The following NCOA7 variants were observed in gnomAD, a reference collection of about 807,000 sequenced individuals.
NCOA7 encodes the protein nuclear receptor coactivator 7, also known as 140 kDa estrogen receptor-associated protein.
NCOA7 carries 45 observed loss-of-function variants against 104.3 expected under a neutral mutation model. The observed-to-expected ratio is 0.43, with a 90% CI of 0.34 to 0.55. NCOA7 has a LOEUF of 0.55. Ranked by LOEUF, NCOA7 falls within the 20% of genes least tolerant of loss-of-function variation. The pLI is 0.02. For synonymous variants in NCOA7, 398 were observed against 402.3 expected, an observed-to-expected ratio of 0.99 and a Z score of 0.13; for missense variants, 1,041 against 1,119.7, an observed-to-expected ratio of 0.93 and a Z score of 1.00.
chr6:125,904,318 A>G (rs1010943799), intron 10 of NCOA7, among the ~76,000 whole-genome samples: 2 of 152,120 alleles, frequency 1.3e-5, no homozygotes, highest in Non-Finnish European at 2.9e-5. Context: ...GCACTGTGCT[A>G]ACATTTTTTT....
intron 2 of NCOA7, among the ~76,000 whole-genome samples, chr6:125,837,669 C>A (rs140857244): frequency 2.7e-4 from 41 of 152,260 alleles, no homozygotes; most frequent in African/African-American, 9.9e-4. Context: ...CCCCCTAATT[C>A]ATTTCCCACA....
intron 11 of NCOA7, among the ~76,000 whole-genome samples, chr6:125,920,605 C>G (rs772005258): frequency 2.2e-4 from 34 of 152,318 alleles, no homozygotes; most frequent in Non-Finnish European, 4.0e-4. Context: ...GGGGTCCCAT[C>G]ATGTTGCTCA....
At chr6:125,852,333 C>T (rs1374087749) in intron 2 of NCOA7, among the ~76,000 whole-genome samples, 2 of 152,112 alleles carry the variant, frequency 1.3e-5, no homozygotes, top group Admixed American at 6.6e-5. Context: ...GTAGCTGGGA[C>T]TACAGGCACG....
chr6:125,811,913 C>T (rs1777047030), intron 1 of NCOA7, among the ~76,000 whole-genome samples: 1 of 152,176 alleles, frequency 6.6e-6, no homozygotes, highest in Admixed American at 6.5e-5. Context: ...TTTTCTAGCT[C>T]ATCTCCAAAT....
chr6:125,842,066 G>A, intron 2 of NCOA7, among the ~76,000 whole-genome samples: 1 of 152,168 alleles, frequency 6.6e-6, no homozygotes, highest in Non-Finnish European at 1.5e-5. Context: ...GGAGAGAGAA[G>A]TTAAGCTAGA....
At chr6:125,869,442 C>G (rs28622002) in intron 3 of NCOA7, among the ~76,000 whole-genome samples, 54,549 of 152,004 alleles carry the variant, frequency 0.36, 11,408 homozygotes, top group African/African-American at 0.59. Context: ...TTCTCCAATT[C>G]TGACAGGCAG....
chr6:125,785,292 G>A (rs1222808629), intron 1 of NCOA7, among the ~76,000 whole-genome samples: 1 of 152,094 alleles, frequency 6.6e-6, no homozygotes, highest in Non-Finnish European at 1.5e-5. Flanking sequence ...GAGCTAACAC[G>A]GTGCCACTGC....
intron 10 of NCOA7, among the ~76,000 whole-genome samples, chr6:125,914,320 A>G (rs889911024): frequency 6.6e-6 from 1 of 152,236 alleles, no homozygotes; most frequent in Non-Finnish European, 1.5e-5. Flanking sequence ...AATGTTAAAT[A>G]CAACAGTTAT....
rs751285705 is a variant in NCOA7 at position 125,889,893 on chromosome 6, T to C, written c.1839T>C (p.Thr613=). 1 of 1,609,098 alleles carries C rather than the reference T, an allele frequency of 6.2e-7. No individual in the cohort carries two copies. Among genetic ancestry groups the C allele is most frequent in the Non-Finnish European group, 8.5e-7 (1 of 1,178,684 alleles). The change falls in exon 9 of 16, where the codon ACT becomes ACC. Residue 613 remains threonine, a synonymous_variant. Transcript: ENST00000392477. ...KEALDSSLES[T]LDNSCQGAQM... ...CTCTAGACTCCTCTTTGGAATCTAC[T>C]CTGGACAACAGCTGTCAAGGTGCAC...
chr6:125,864,996 A>C (rs1194606682), intron 3 of NCOA7, among the ~76,000 whole-genome samples: 1 of 138,342 alleles, frequency 7.2e-6, no homozygotes, highest in Non-Finnish European at 1.5e-5. Context: ...GAGGAGGAGA[A>C]GCAACATCAG....
At chr6:125,825,174 C>CAAAAA (rs60707053) in intron 2 of NCOA7, among the ~76,000 whole-genome samples, 2 of 54,082 alleles carry the variant, frequency 3.7e-5, no homozygotes, top group African/African-American at 6.2e-5. Flanking sequence ...CCTGTCTCTA[C>CAAAAA]AAAAAAAAAA....
At chr6:125,915,302 T>G (rs535950244) in intron 10 of NCOA7, 31 bp from the exon 11 acceptor site, 1 of 1,611,738 alleles carries the variant, frequency 6.2e-7, no homozygotes, top group Non-Finnish European at 8.5e-7. Context: ...GTGGACATGG[T>G]GTTAACATCT....
At chr6:125,857,573 T>G (rs1781677159) in intron 3 of NCOA7, among the ~76,000 whole-genome samples, 1 of 152,002 alleles carries the variant, frequency 6.6e-6, no homozygotes, top group African/African-American at 2.4e-5. Flanking sequence ...GCATTTTTTT[T>G]TTTTATATAC....
At chr6:125,861,253 C>T (rs1782025350) in intron 3 of NCOA7, among the ~76,000 whole-genome samples, 1 of 152,132 alleles carries the variant, frequency 6.6e-6, no homozygotes, top group Admixed American at 6.5e-5. Context: ...AAAGGCAGCC[C>T]AACACTTTTC....
At chr6:125,830,506 T>C (rs987132265) in intron 2 of NCOA7, among the ~76,000 whole-genome samples, 1 of 152,142 alleles carries the variant, frequency 6.6e-6, no homozygotes, top group Non-Finnish European at 1.5e-5. Flanking sequence ...CTGGGCAACA[T>C]AGTGAGACCT....
At chr6:125,817,530 C>T (rs945999574) in intron 2 of NCOA7, among the ~76,000 whole-genome samples, 1 of 152,190 alleles carries the variant, frequency 6.6e-6, no homozygotes, top group African/African-American at 2.4e-5. Context: ...TGAAGTTTAA[C>T]ATTTTCATGT....
chr6:125,901,932 T>TC (rs1418205494), intron 10 of NCOA7, among the ~76,000 whole-genome samples: 1 of 152,090 alleles, frequency 6.6e-6, no homozygotes, highest in Non-Finnish European at 1.5e-5. Flanking sequence ...CCTCCGACCG[T>TC]CCCCGACCAA....
At chr6:125,834,163 A>G (rs535052168) in intron 2 of NCOA7, among the ~76,000 whole-genome samples, 2 of 150,960 alleles carry the variant, frequency 1.3e-5, no homozygotes, top group Admixed American at 1.3e-4. Flanking sequence ...TTTTGTTTTA[A>G]TAAAAACAAA....
intron 2 of NCOA7, among the ~76,000 whole-genome samples, chr6:125,853,148 T>C (rs1280310825): frequency 6.6e-6 from 1 of 152,114 alleles, no homozygotes; most frequent in Admixed American, 6.6e-5. Flanking sequence ...TTTGAGTTCT[T>C]TTTTTTGTTC....
Sources: allele counts gnomAD v4.1 joint callset (sites outside exome capture counted in the v4.1 genomes callset), GRCh38; gene constraint gnomAD v4.1.1; transcripts MANE v1.5; gene names NCBI Gene and HGNC (gene_info 2026-07-23, HGNC 2026-07-21).